The following GRXCR1 variants were observed in gnomAD, a reference collection of about 807,000 sequenced individuals.
GRXCR1 encodes glutaredoxin and cysteine rich domain containing 1.
A neutral mutation model predicts 27.3 loss-of-function variants in GRXCR1; 27 were observed. That is an observed-to-expected ratio of 0.99 (90% confidence interval 0.73 to 1.37). The LOEUF is 1.37. GRXCR1 is among the 40% of genes most tolerant of loss of function. The pLI is 0.00. For synonymous variants in GRXCR1, 122 were observed against 131.1 expected (o/e 0.93, Z 0.47); for missense variants, 379 against 354.4 (o/e 1.07, Z -0.56).
chr4:43,028,783 C>A (rs1713333774), intron 3 of GRXCR1, among the ~76,000 whole-genome samples: 1 of 152,150 alleles, frequency 6.6e-6, no homozygotes, highest in South Asian at 2.1e-4. Context: ...TCAATTCTTG[C>A]ACAAAGAAAT....
intron 2 of GRXCR1, among the ~76,000 whole-genome samples, chr4:43,008,278 C>A (rs1336602294): frequency 6.6e-6 from 1 of 152,138 alleles, no homozygotes; most frequent in East Asian, 1.9e-4. Flanking sequence ...ATCTTCTAAA[C>A]AAGAGGACGG....
At chr4:43,001,520 C>T (rs542767807) in intron 2 of GRXCR1, among the ~76,000 whole-genome samples, 2 of 152,142 alleles carry the variant, frequency 1.3e-5, no homozygotes, top group East Asian at 1.9e-4. Context: ...GGTGTTTTCC[C>T]GGGGAGAAAT....
At chr4:42,919,063 G>A (rs924437300) in intron 1 of GRXCR1, among the ~76,000 whole-genome samples, 2 of 152,134 alleles carry the variant, frequency 1.3e-5, no homozygotes, top group Non-Finnish European at 2.9e-5. Flanking sequence ...AATACTTTGG[G>A]TTAAAAAAAC....
At position 43,030,483 on chromosome 4, in the gene GRXCR1, G is replaced by A. The variant is rs1713392453; in HGVS notation, c.816G>A (p.Leu272=). The change falls in exon 4 of 4, where the codon CTG becomes CTA. Residue 272 remains leucine (L), a synonymous_variant. Transcript: ENST00000399770. ...RNCFTDSFKA[L]KCTACNENGL... Reference sequence around the variant, plus strand: ...GCTTCACAGACTCTTTCAAAGCCCTGAAGTGTACGGCTTGCAATGAAAATG... The same window carrying A: ...GCTTCACAGACTCTTTCAAAGCCCTAAAGTGTACGGCTTGCAATGAAAATG... The A allele has an allele frequency of 6.2e-7, 1 of 1,614,132 alleles. No homozygotes were observed.
At chr4:42,907,719 T>C (rs1039263751) in intron 1 of GRXCR1, among the ~76,000 whole-genome samples, 4 of 152,170 alleles carry the variant, frequency 2.6e-5, no homozygotes, top group African/African-American at 9.6e-5. Flanking sequence ...TTTAACTGCT[T>C]TTTAGGCTAT....
At chr4:42,907,778 C>G (rs369290707) in intron 1 of GRXCR1, among the ~76,000 whole-genome samples, 3 of 152,262 alleles carry the variant, frequency 2.0e-5, no homozygotes, top group Non-Finnish European at 4.4e-5. Context: ...TCAGCTATAA[C>G]TTTAAGTTTA....
intron 1 of GRXCR1, among the ~76,000 whole-genome samples, chr4:42,958,074 C>T (rs1343180701): frequency 1.3e-5 from 2 of 151,922 alleles, no homozygotes; most frequent in African/African-American, 2.4e-5. Flanking sequence ...GAAGGCTTTC[C>T]AAGTATTCAA....
intron 1 of GRXCR1, among the ~76,000 whole-genome samples, chr4:42,937,425 T>A (rs1400970039): frequency 6.6e-6 from 1 of 151,886 alleles, no homozygotes; most frequent in African/African-American, 2.4e-5. Context: ...ATTAGCAATA[T>A]CTGGGAGCCA....
chr4:42,968,795 A>G (rs1274809324), intron 2 of GRXCR1, among the ~76,000 whole-genome samples: 2 of 152,108 alleles, frequency 1.3e-5, no homozygotes, highest in Non-Finnish European at 2.9e-5. Context: ...TTTTTCAGGA[A>G]TCTCACCCAA....
chr4:42,947,320 G>A (rs1747766388), intron 1 of GRXCR1, among the ~76,000 whole-genome samples: 1 of 152,058 alleles, frequency 6.6e-6, no homozygotes, highest in African/African-American at 2.4e-5. Flanking sequence ...GGAAAACTTA[G>A]GGACGAGGGA....
At chr4:42,921,775 C>T (rs1026492436) in intron 1 of GRXCR1, among the ~76,000 whole-genome samples, 2 of 151,974 alleles carry the variant, frequency 1.3e-5, no homozygotes, top group Non-Finnish European at 2.9e-5. Context: ...TCTCTGATAC[C>T]ATTCGATCTT....
At chr4:42,966,459 T>C (rs1474095187) in intron 2 of GRXCR1, among the ~76,000 whole-genome samples, 1 of 152,112 alleles carries the variant, frequency 6.6e-6, no homozygotes, top group Non-Finnish European at 1.5e-5. Context: ...TTTAAAGTAC[T>C]GCATTATTCT....
intron 1 of GRXCR1, among the ~76,000 whole-genome samples, chr4:42,922,601 C>A (rs559380595): frequency 1.2e-4 from 18 of 152,080 alleles, no homozygotes; most frequent in Non-Finnish European, 1.3e-4. Flanking sequence ...CCCATTAGGG[C>A]AAGAATGAAG....
chr4:42,983,098 G>A (rs1319457639), intron 2 of GRXCR1, among the ~76,000 whole-genome samples: 2 of 150,442 alleles, frequency 1.3e-5, no homozygotes, highest in African/African-American at 4.9e-5. Context: ...TGTTGCCATT[G>A]CTTTTGGTGT....
chr4:42,923,478 A>T (rs181832340), intron 1 of GRXCR1, among the ~76,000 whole-genome samples: 171 of 152,248 alleles, frequency 1.1e-3, no homozygotes, highest in South Asian at 3.3e-3. Context: ...TGCCAGTTAA[A>T]AAAATGGACT....
At chr4:42,917,767 T>C (rs1001346298) in intron 1 of GRXCR1, among the ~76,000 whole-genome samples, 2 of 152,018 alleles carry the variant, frequency 1.3e-5, no homozygotes, top group African/African-American at 4.8e-5. Flanking sequence ...GTACAAACCA[T>C]AATGTTCTAA....
intron 3 of GRXCR1, among the ~76,000 whole-genome samples, chr4:43,021,577 G>C (rs983286112): frequency 6.6e-6 from 1 of 152,094 alleles, no homozygotes; most frequent in East Asian, 1.9e-4. Context: ...ACTTTGCTAA[G>C]GGAGACAACA....
intron 1 of GRXCR1, among the ~76,000 whole-genome samples, chr4:42,956,349 G>A (rs1402831895): frequency 2.0e-5 from 3 of 152,122 alleles, no homozygotes; most frequent in African/African-American, 7.2e-5. Context: ...CCCTCAGGAA[G>A]GGAGAAGAGG....
chr4:42,983,037 T>C (rs1711540389), intron 2 of GRXCR1, among the ~76,000 whole-genome samples: 1 of 152,134 alleles, frequency 6.6e-6, no homozygotes, highest in Admixed American at 6.5e-5. Context: ...TTTCTTTTGC[T>C]GTGCGGAAGC....
Sources: allele counts gnomAD v4.1 joint callset (sites outside exome capture counted in the v4.1 genomes callset), GRCh38; gene constraint gnomAD v4.1.1; transcripts MANE v1.5; gene names NCBI Gene and HGNC (gene_info 2026-07-23, HGNC 2026-07-21).